The following KHDRBS2 variants were observed in gnomAD, a reference collection of about 807,000 sequenced individuals.
KHDRBS2 encodes the protein KH RNA binding domain containing, signal transduction associated 2.
Under a neutral mutation model 44.3 loss-of-function variants are expected in KHDRBS2, and 26 were observed. The ratio of observed to expected loss-of-function variants is 0.59; its 90% confidence interval spans 0.43 to 0.81. The LOEUF is 0.81. KHDRBS2 is among the 40% of genes least tolerant of loss of function. KHDRBS2 has a pLI of 0.00. For missense variants in KHDRBS2, 476 were observed against 433.1 expected (o/e 1.10, Z -0.88); for synonymous variants, 194 against 151.1 (o/e 1.28, Z -2.08).
intron 6 of KHDRBS2, among the ~76,000 whole-genome samples, chr6:61,782,867 T>A (rs1427419793): frequency 6.6e-6 from 1 of 151,796 alleles, no homozygotes; most frequent in Non-Finnish European, 1.5e-5. Context: ...CTCATTATTC[T>A]TGAAATAGAT....
At chr6:61,612,148 T>C in the KHDRBS2 span, among the ~76,000 whole-genome samples, 1 of 150,524 alleles carries the variant, frequency 6.6e-6, no homozygotes. Flanking sequence ...TAATTTTTTT[T>C]CAAAGTTTGC....
intron 1 of KHDRBS2, among the ~76,000 whole-genome samples, chr6:62,224,668 G>A (rs550766225): frequency 1.3e-5 from 2 of 152,126 alleles, no homozygotes; most frequent in African/African-American, 4.8e-5. Context: ...AAAGGTATCA[G>A]TCCAATCTAT....
At chr6:62,017,020 T>A (rs967983702) in intron 3 of KHDRBS2, among the ~76,000 whole-genome samples, 2 of 152,208 alleles carry the variant, frequency 1.3e-5, no homozygotes, top group African/African-American at 2.4e-5. Flanking sequence ...AATCTGTTTT[T>A]CTTTTTTAAT....
intron 2 of KHDRBS2, among the ~76,000 whole-genome samples, chr6:62,150,082 T>C (rs1364638530): frequency 1.3e-5 from 2 of 152,178 alleles, no homozygotes; most frequent in African/African-American, 2.4e-5. Context: ...TTTTAATTCA[T>C]GGTAAAAGCC....
At chr6:62,196,821 G>C (rs936822951) in intron 1 of KHDRBS2, among the ~76,000 whole-genome samples, 3 of 151,990 alleles carry the variant, frequency 2.0e-5, no homozygotes, top group South Asian at 2.1e-4. Context: ...AATGACGAGG[G>C]GGATGCTGGC....
the KHDRBS2 span, among the ~76,000 whole-genome samples, chr6:61,576,232 CA>C: frequency 9.9e-5 from 15 of 152,166 alleles, no homozygotes; most frequent in Admixed American, 2.6e-4. Flanking sequence ...AATGTTGGTT[CA>C]TTTTTTTGGG....
At chr6:61,572,744 A>G in the KHDRBS2 span, among the ~76,000 whole-genome samples, 1 of 152,230 alleles carries the variant, frequency 6.6e-6, no homozygotes, top group Non-Finnish European at 1.5e-5. Context: ...TAGATACAGA[A>G]AAAGCATTTG....
intron 1 of KHDRBS2, among the ~76,000 whole-genome samples, chr6:62,200,939 C>T (rs1414445326): frequency 2.0e-5 from 3 of 152,056 alleles, no homozygotes; most frequent in African/African-American, 4.8e-5. Context: ...TTTGTAGGGG[C>T]ATGGATGAAG....
chr6:61,971,725 A>G (rs1183805432), intron 4 of KHDRBS2, among the ~76,000 whole-genome samples: 1 of 151,992 alleles, frequency 6.6e-6, no homozygotes, highest in East Asian at 1.9e-4. Context: ...TTTGCCAGCA[A>G]TTGATTTTCG....
chr6:61,908,660 T>TA (rs948333588), intron 4 of KHDRBS2, among the ~76,000 whole-genome samples: 2 of 147,536 alleles, frequency 1.4e-5, no homozygotes, highest in Non-Finnish European at 3.0e-5. Context: ...AATCAATACA[T>TA]AATAAAAGAA....
chr6:62,128,927 C>T (rs922825334), intron 2 of KHDRBS2, among the ~76,000 whole-genome samples: 2 of 151,892 alleles, frequency 1.3e-5, no homozygotes, highest in African/African-American at 4.8e-5. Flanking sequence ...TAGATAATTC[C>T]TATGCAGTAA....
At chr6:61,672,222 C>A in the KHDRBS2 span, among the ~76,000 whole-genome samples, 1 of 151,084 alleles carries the variant, frequency 6.6e-6, no homozygotes, top group Non-Finnish European at 1.5e-5. Flanking sequence ...ATATGTGCCA[C>A]ATTTTCTTAA....
the KHDRBS2 span, chr6:61,661,401 G>A: frequency 6.6e-6 from 1 of 151,742 alleles, no homozygotes; most frequent in Non-Finnish European, 1.5e-5. Flanking sequence ...TTTAAGCATT[G>A]TGCAATTACA....
intron 4 of KHDRBS2, among the ~76,000 whole-genome samples, chr6:61,952,531 GT>G (rs1562504890): frequency 6.6e-6 from 1 of 151,978 alleles, no homozygotes; most frequent in Non-Finnish European, 1.5e-5. Context: ...AAAAGTAATT[GT>G]TGGTTTTTTG....
chr6:61,679,724 G>A (rs1411653838), downstream of KHDRBS2, among the ~76,000 whole-genome samples: 1 of 151,940 alleles, frequency 6.6e-6, no homozygotes, highest in South Asian at 2.1e-4. Flanking sequence ...TATAAACTAC[G>A]CGAATGAAGT....
At chr6:61,982,670 CAA>C (rs1264177227) in intron 3 of KHDRBS2, among the ~76,000 whole-genome samples, 15 of 65,984 alleles carry the variant, frequency 2.3e-4, no homozygotes, top group Admixed American at 1.7e-4. Flanking sequence ...AACTCTGTCT[CAA>C]AAAAAAAAAA....
At chr6:61,589,205 A>G in the KHDRBS2 span, among the ~76,000 whole-genome samples, 12 of 152,226 alleles carry the variant, frequency 7.9e-5, no homozygotes, top group African/African-American at 2.4e-5. Context: ...ACAAATCTGC[A>G]TGTTCAGCAC....
chr6:62,238,052 C>CAAAA (rs398048582), intron 1 of KHDRBS2, among the ~76,000 whole-genome samples: 1 of 116,796 alleles, frequency 8.6e-6, no homozygotes, highest in Non-Finnish European at 1.8e-5. Flanking sequence ...GACTCTGTCT[C>CAAAA]AAAAAAAAAA....
chr6:61,855,806 A>G (rs1583187527), intron 6 of KHDRBS2, among the ~76,000 whole-genome samples: 1 of 151,976 alleles, frequency 6.6e-6, no homozygotes, highest in East Asian at 1.9e-4. Flanking sequence ...AGCGCTTTCA[A>G]CATGGTTCCT....
Sources: allele counts gnomAD v4.1 joint callset (sites outside exome capture counted in the v4.1 genomes callset), GRCh38; gene constraint gnomAD v4.1.1; transcripts MANE v1.5; gene names NCBI Gene and HGNC (gene_info 2026-07-23, HGNC 2026-07-21).